SNAP91: variants seen among roughly 807,000 people sequenced by gnomAD.
SNAP91 encodes clathrin coat assembly protein AP180.
In SNAP91, 27 loss-of-function variants were observed where a neutral mutation model predicts 100.3. The observed-to-expected ratio is 0.27, with a 90% CI of 0.20 to 0.37. SNAP91 has a LOEUF of 0.37. Ranked by LOEUF, SNAP91 falls within the 10% of genes least tolerant of loss-of-function variation. The probability of loss-of-function intolerance (pLI) is 1.00; values close to 1 mark genes in which losing one functional copy is unlikely to be tolerated. For synonymous variants in SNAP91, 404 were observed against 398.6 expected, an observed-to-expected ratio of 1.01 and a Z score of -0.16; for missense variants, 986 against 1,123.7, an observed-to-expected ratio of 0.88 and a Z score of 1.75.
intron 26 of SNAP91, among the ~76,000 whole-genome samples, chr6:83,568,338 C>T (rs1005970860): frequency 6.6e-6 from 1 of 151,826 alleles, no homozygotes; most frequent in African/African-American, 2.4e-5. Flanking sequence ...CACACTGGGG[C>T]CTGTTGTGGG....
chr6:83,699,181 A>G (rs1484829960), intron 2 of SNAP91, among the ~76,000 whole-genome samples: 1 of 152,182 alleles, frequency 6.6e-6, no homozygotes, highest in African/African-American at 2.4e-5. Context: ...AGAGTCTAAA[A>G]TTACAAAACA....
chr6:83,570,552 G>GT (rs1491205800), intron 26 of SNAP91, among the ~76,000 whole-genome samples: 3 of 135,374 alleles, frequency 2.2e-5, no homozygotes, highest in Admixed American at 7.6e-5. Flanking sequence ...GGTTTACGGG[G>GT]TGGCGGGGGG....
chr6:83,625,565 AAT>A (rs2096900393), intron 8 of SNAP91, among the ~76,000 whole-genome samples: 1 of 152,132 alleles, frequency 6.6e-6, no homozygotes, highest in South Asian at 2.1e-4. Context: ...GCCTTTTAAT[AAT>A]ATCTATTCTG....
intron 2 of SNAP91, among the ~76,000 whole-genome samples, chr6:83,682,172 CTTT>C (rs59549595): frequency 5.7e-5 from 7 of 123,480 alleles, no homozygotes; most frequent in African/African-American, 8.9e-5. Context: ...TTCTTTAATT[CTTT>C]TTTTTTTTTT....
chr6:83,601,400 G>C lies in SNAP91; in HGVS notation c.1195C>G (p.Gln399Glu). The change falls in exon 16 of 30, where the codon CAG (glutamine) becomes GAG (glutamate). Residue 399 changes from glutamine (Q) to glutamate (E), a missense_variant. By Grantham distance (29) the Gln-to-Glu change is conservative. Transcript: ENST00000369694. ...TCTGGTGCAAATGGATCTGAAATCT[G>C]TGCTTCAGAGGGAACAGAGGAAAGT... is the stretch of plus-strand genomic sequence containing the variant. ...AALSSVPSEA[Q>E]ISDPFAPEPT... 6.2e-7 allele frequency: 1 copy of C among 1,613,626 alleles called. No homozygotes were observed. Among genetic ancestry groups the C allele is most frequent in the Non-Finnish European group, 8.5e-7 (1 of 1,179,768 alleles).
At chr6:83,599,846 C>T (rs74670682) in intron 16 of SNAP91, among the ~76,000 whole-genome samples, 8 of 152,172 alleles carry the variant, frequency 5.3e-5, no homozygotes, top group Non-Finnish European at 8.8e-5. Context: ...AGTGCAGTGG[C>T]GTGATCAGGC....
chr6:83,638,650 T>A (rs969501499), intron 8 of SNAP91, among the ~76,000 whole-genome samples: 7 of 152,210 alleles, frequency 4.6e-5, no homozygotes, highest in African/African-American at 1.7e-4. Context: ...GGATCCCTAA[T>A]ACTGAAATCA....
At chr6:83,577,394 TA>T (rs1820675560) in intron 24 of SNAP91, among the ~76,000 whole-genome samples, 1 of 152,174 alleles carries the variant, frequency 6.6e-6, no homozygotes, top group African/African-American at 2.4e-5. Flanking sequence ...ATTTTTCAAT[TA>T]GACTATAAAA....
intron 26 of SNAP91, among the ~76,000 whole-genome samples, chr6:83,566,366 T>C (rs937783482): frequency 1.1e-4 from 16 of 152,148 alleles, no homozygotes; most frequent in African/African-American, 2.9e-4. Flanking sequence ...GAATTTTATC[T>C]CAATAAAAAT....
rs79298489 is a variant in SNAP91 at position 83,677,199 on chromosome 6, A to G, written c.131-11618T>C. 3.7e-3 allele frequency among the ~76,000 whole-genome samples: 565 copies of G among 152,216 alleles called. 1 individual carries two copies. Among genetic ancestry groups the G allele is most frequent in the Non-Finnish European group, 6.0e-3 (405 of 68,012 alleles). The stretch of plus-strand genomic sequence containing the variant: ...TTGTGCAATGTTTGAGACACATCCA[A>G]AGGGATGTCTACTTTCTACAGAGCA... On this transcript the variant is annotated intron_variant, in intron 2 of 29. Coordinates refer to ENST00000369694, the MANE Select transcript of SNAP91 (RefSeq NM_001242792.2).
At chr6:83,617,465 C>A (rs139801485) in intron 9 of SNAP91, among the ~76,000 whole-genome samples, 1,573 of 151,858 alleles carry the variant, frequency 0.01, 18 homozygotes, top group Non-Finnish European at 0.015. Flanking sequence ...TCTCACTTAT[C>A]TATGTTTGTC....
rs944498982 is a variant in SNAP91, at chr6:83,560,769, G to C, written c.2526+95C>G. The C allele has an allele frequency of 2.2e-5, 25 of 1,115,376 alleles. No individual in the cohort carries two copies. The East Asian group carries it at 5.1e-4, about 23-fold the overall frequency. 69.1% of individuals were successfully genotyped at this position (1,115,376 alleles called of 1,614,324 possible). ...TTAAGTTTTACTTACTGTGTTTTGG[G>C]AAAAATTATATTCTGTAGGAATACT... On this transcript the variant is annotated intron_variant, in intron 27 of 29. Transcript: ENST00000369694.
At chr6:83,599,276 T>A (rs1216786473) in intron 16 of SNAP91, among the ~76,000 whole-genome samples, 5 of 152,146 alleles carry the variant, frequency 3.3e-5, no homozygotes, top group Non-Finnish European at 7.4e-5. Flanking sequence ...TAAGATAGAG[T>A]TGATTGATTT....
intron 8 of SNAP91, among the ~76,000 whole-genome samples, chr6:83,637,005 T>C (rs1464517506): frequency 1.3e-5 from 2 of 152,144 alleles, no homozygotes; most frequent in Non-Finnish European, 2.9e-5. Context: ...TGAAACAATG[T>C]ATTTTTGTTT....
At chr6:83,626,860 C>T (rs1333063405) in intron 8 of SNAP91, among the ~76,000 whole-genome samples, 4 of 151,870 alleles carry the variant, frequency 2.6e-5, no homozygotes, top group Non-Finnish European at 5.9e-5. Flanking sequence ...CTTTCTCTAT[C>T]CTGACTGCTC....
intron 2 of SNAP91, among the ~76,000 whole-genome samples, chr6:83,666,218 T>C (rs1257875684): frequency 1.3e-5 from 2 of 152,114 alleles, no homozygotes; most frequent in African/African-American, 4.8e-5. Flanking sequence ...TGTTCACATC[T>C]ATTAGTATGA....
At chr6:83,658,858 C>A in intron 6 of SNAP91, 141 bp downstream of exon 6, 1 of 650,046 alleles carries the variant, frequency 1.5e-6, no homozygotes, top group Non-Finnish European at 2.6e-6. Context: ...CTTTACCGAG[C>A]TTAACAGCCT....
In SNAP91 at chr6:83,593,670, C is replaced by G; in HGVS notation, c.1504G>C (p.Glu502Gln). ...ELDLFAMKPP[E>Q]TSVPVVTPTA... ...GGGGTAACTACAGGAACACTGGTCT[C>G]AGGTGGCTTCATTGCAAAGAGGTCC... The change falls in exon 18 of 30, where the codon GAG (glutamate) becomes CAG (glutamine). Residue 502 changes from glutamate to glutamine, a missense_variant. This residue lies in a region of SNAP91 where 575 missense variants were observed against 579.9 expected (regional missense o/e 0.99). Transcript: ENST00000369694. 6.2e-7 allele frequency: 1 copy of G among 1,611,630 alleles called. No individual in the cohort carries two copies.
chr6:83,610,137 C>T (rs2095901935), intron 12 of SNAP91, among the ~76,000 whole-genome samples: 2 of 152,024 alleles, frequency 1.3e-5, no homozygotes, highest in African/African-American at 4.8e-5. Context: ...AAACCAGGGA[C>T]TTAAATAGAT....
Sources: allele counts gnomAD v4.1 joint callset (sites outside exome capture counted in the v4.1 genomes callset), GRCh38; gene constraint gnomAD v4.1.1; regional missense constraint gnomAD v4.1.1; transcripts MANE v1.5; gene names NCBI Gene and HGNC (gene_info 2026-07-23, HGNC 2026-07-21).